Variants in CHCHD6 observed in about 807,000 individuals in gnomAD.
CHCHD6 encodes the protein coiled-coil-helix-coiled-coil-helix domain containing 6.
A neutral mutation model predicts 32.3 loss-of-function variants in CHCHD6; 28 were observed. The observed-to-expected ratio is 0.87, with a 90% CI of 0.64 to 1.19. The LOEUF is 1.19. Among genes scored for constraint, CHCHD6 ranks in the 50% most tolerant of loss-of-function variants. CHCHD6 has a pLI of 0.00. For synonymous variants in CHCHD6, 122 were observed against 117.5 expected, an observed-to-expected ratio of 1.04 and a Z score of -0.25; for missense variants, 333 against 307.0, an observed-to-expected ratio of 1.08 and a Z score of -0.63.
intron 4 of CHCHD6, among the ~76,000 whole-genome samples, chr3:126,840,981 T>C (rs978689022): frequency 2.6e-5 from 4 of 152,198 alleles, no homozygotes; most frequent in African/African-American, 7.2e-5. Flanking sequence ...GCCATGTTGG[T>C]GCGCTGCACC....
chr3:126,900,370 G>T (rs1022412656), intron 5 of CHCHD6, among the ~76,000 whole-genome samples: 3 of 152,150 alleles, frequency 2.0e-5, no homozygotes, highest in Non-Finnish European at 4.4e-5. Context: ...AGCTTTCTGC[G>T]TTAGGCCATT....
chr3:126,947,024 G>A (rs1041551140), intron 6 of CHCHD6, among the ~76,000 whole-genome samples: 3 of 152,262 alleles, frequency 2.0e-5, no homozygotes, highest in South Asian at 2.1e-4. Flanking sequence ...GGGGCCACAC[G>A]TGTGAGCAGG....
intron 4 of CHCHD6, chr3:126,766,857 G>A: frequency 1.0e-6 from 1 of 967,296 alleles, no homozygotes; most frequent in East Asian, 2.4e-5. Context: ...GTCCAGGGAA[G>A]TCAAACAGCT....
chr3:126,781,692 C>T (rs1201383594), intron 4 of CHCHD6, among the ~76,000 whole-genome samples: 1 of 152,210 alleles, frequency 6.6e-6, no homozygotes, highest in African/African-American at 2.4e-5. Context: ...CAGTGTTCTG[C>T]GCCCATGCTG....
intron 5 of CHCHD6, among the ~76,000 whole-genome samples, chr3:126,858,009 G>A (rs1445464790): frequency 6.6e-6 from 1 of 152,148 alleles, no homozygotes; most frequent in African/African-American, 2.4e-5. Flanking sequence ...GAATGTCCAT[G>A]GTAGTGTCAT....
intron 4 of CHCHD6, among the ~76,000 whole-genome samples, chr3:126,828,795 C>T (rs969268599): frequency 2.0e-5 from 3 of 152,232 alleles, no homozygotes; most frequent in African/African-American, 7.2e-5. Flanking sequence ...GCTCTGCTCC[C>T]AGGAGGCTGC....
chr3:126,792,008 C>A (rs938931635), intron 4 of CHCHD6, among the ~76,000 whole-genome samples: 1 of 152,074 alleles, frequency 6.6e-6, no homozygotes, highest in Non-Finnish European at 1.5e-5. Flanking sequence ...CGAAGTATAA[C>A]GTTTTCGGGG....
intron 4 of CHCHD6, among the ~76,000 whole-genome samples, chr3:126,820,032 AC>A (rs1291758323): frequency 6.6e-6 from 1 of 152,122 alleles, no homozygotes; most frequent in African/African-American, 2.4e-5. Flanking sequence ...TCTGCTACTT[AC>A]TGTATATTCT....
At chr3:126,828,053 A>G (rs1940477525) in intron 4 of CHCHD6, among the ~76,000 whole-genome samples, 1 of 149,964 alleles carries the variant, frequency 6.7e-6, no homozygotes, top group African/African-American at 2.5e-5. Flanking sequence ...CCCTTCTGCA[A>G]CTCCTTGGCC....
chr3:126,847,753 C>G (rs1199831653), intron 4 of CHCHD6, among the ~76,000 whole-genome samples: 1 of 151,908 alleles, frequency 6.6e-6, no homozygotes, highest in Non-Finnish European at 1.5e-5. Context: ...TCTCCTCTCC[C>G]CCTTTCCCAC....
chr3:126,742,887 G>T (rs1223060148), intron 4 of CHCHD6, among the ~76,000 whole-genome samples: 3 of 152,170 alleles, frequency 2.0e-5, no homozygotes, highest in African/African-American at 7.2e-5. Flanking sequence ...GATATTTGGG[G>T]TGGAAGAAAT....
At chr3:126,801,979 T>TC (rs1487088204) in intron 4 of CHCHD6, among the ~76,000 whole-genome samples, 1 of 151,924 alleles carries the variant, frequency 6.6e-6, no homozygotes, top group Non-Finnish European at 1.5e-5. Context: ...TCTAGCAAAC[T>TC]CCAACAGATC....
chr3:126,874,184 C>G (rs1206009260), intron 5 of CHCHD6, among the ~76,000 whole-genome samples: 1 of 152,168 alleles, frequency 6.6e-6, no homozygotes, highest in Non-Finnish European at 1.5e-5. Flanking sequence ...GAATTCAGCT[C>G]CTCTGTGTGC....
intron 5 of CHCHD6, chr3:126,855,073 C>T (rs1190288442): frequency 6.6e-6 from 1 of 152,212 alleles, no homozygotes; most frequent in African/African-American, 2.4e-5. Flanking sequence ...TTTTGTAGGG[C>T]TCCTGTGCTT....
At chr3:126,793,593 C>A (rs1322789905) in intron 4 of CHCHD6, among the ~76,000 whole-genome samples, 1 of 152,064 alleles carries the variant, frequency 6.6e-6, no homozygotes, top group Non-Finnish European at 1.5e-5. Flanking sequence ...CAATTTTTTG[C>A]TTTCAAATGT....
At chr3:126,758,069 C>A (rs1271052492) in intron 4 of CHCHD6, among the ~76,000 whole-genome samples, 1 of 152,170 alleles carries the variant, frequency 6.6e-6, no homozygotes, top group Non-Finnish European at 1.5e-5. Flanking sequence ...TTGGGCAAGC[C>A]CTCTGTGGCC....
intron 1 of CHCHD6, among the ~76,000 whole-genome samples, chr3:126,711,550 G>C (rs1934748714): frequency 6.6e-6 from 1 of 152,198 alleles, no homozygotes; most frequent in Admixed American, 6.5e-5. Context: ...CATCTTAGTT[G>C]ACTCACTTAA....
At chr3:126,766,894 T>C (rs1937390859) in intron 4 of CHCHD6, 5 of 1,020,190 alleles carry the variant, frequency 4.9e-6, no homozygotes, top group Non-Finnish European at 7.8e-6. Context: ...CATCTCATCC[T>C]GCTCTGCGTG....
At chr3:126,704,815 C>T (rs907610520) in intron 1 of CHCHD6, among the ~76,000 whole-genome samples, 1 of 152,208 alleles carries the variant, frequency 6.6e-6, no homozygotes, top group African/African-American at 2.4e-5. Context: ...TCCCCGCCGG[C>T]CTGTTCTCCA....
Sources: allele counts gnomAD v4.1 joint callset (sites outside exome capture counted in the v4.1 genomes callset), GRCh38; gene constraint gnomAD v4.1.1; transcripts MANE v1.5; gene names NCBI Gene and HGNC (gene_info 2026-07-23, HGNC 2026-07-21).